Variants in AKAP6 observed in about 807,000 individuals in gnomAD.
AKAP6 encodes the protein A-kinase anchoring protein 6, also known as A-kinase anchor protein 6.
A neutral mutation model predicts 188.5 loss-of-function variants in AKAP6; 58 were observed. The observed-to-expected ratio is 0.31, with a 90% CI of 0.25 to 0.38. The LOEUF (loss-of-function observed/expected upper bound fraction) is 0.38, where lower values mean the gene tolerates loss of function less well. AKAP6 is among the 10% of genes least tolerant of loss of function. The pLI, the probability that AKAP6 is intolerant of heterozygous loss-of-function variation, is 1.00. For synonymous variants in AKAP6, 989 were observed against 998.6 expected, an observed-to-expected ratio of 0.99 and a Z score of 0.18; for missense variants, 2,710 against 2,740.0, an observed-to-expected ratio of 0.99 and a Z score of 0.24.
intron 1 of AKAP6, among the ~76,000 whole-genome samples, chr14:32,393,123 A>G (rs1388450839): frequency 6.6e-6 from 1 of 152,124 alleles, no homozygotes; most frequent in African/African-American, 2.4e-5. Flanking sequence ...TAGTAATTTC[A>G]AAGAGAAATA....
intron 2 of AKAP6, among the ~76,000 whole-genome samples, chr14:32,437,494 G>C (rs1276385309): frequency 6.6e-6 from 1 of 152,090 alleles, no homozygotes; most frequent in Non-Finnish European, 1.5e-5. Context: ...CTCTGTCTCA[G>C]CTCTTTAATT....
At chr14:32,799,280 T>C (rs1275048082) in intron 12 of AKAP6, among the ~76,000 whole-genome samples, 1 of 152,216 alleles carries the variant, frequency 6.6e-6, no homozygotes, top group Non-Finnish European at 1.5e-5. Context: ...GTTGATTTTC[T>C]CTGCTGTTTC....
chr14:32,800,717 T>C (rs8006227), intron 12 of AKAP6, among the ~76,000 whole-genome samples: 37,807 of 152,008 alleles, frequency 0.25, 5,258 homozygotes, highest in African/African-American at 0.38. Context: ...GTCTTTGTAT[T>C]TAAAGTGGGT....
At position 32,535,664 on chromosome 14, in the gene AKAP6, C is replaced by T. The variant is rs563852699; in HGVS notation, c.435C>T (p.His145=). The change falls in exon 3 of 14, where the codon CAC becomes CAT. Residue 145 remains histidine, a synonymous_variant. Transcript: ENST00000280979. Reference sequence around the variant, plus strand: ...CTGTCAACGTGATAGTGGACATCCACGCAGTGCAGCTCCTCTGGCACCAGC... The same window carrying T: ...CTGTCAACGTGATAGTGGACATCCATGCAGTGCAGCTCCTCTGGCACCAGC... The part of the protein sequence containing the change: ...SYSVNVIVDI[H]AVQLLWHQLR... The T allele has an allele frequency of 1.3e-4, 216 of 1,614,216 alleles. No homozygotes were observed. The highest frequency in any genetic ancestry group is 4.7e-4 in the Admixed American group (28 of 60,030).
At chr14:32,795,472 AG>A (rs1250353307) in intron 12 of AKAP6, among the ~76,000 whole-genome samples, 1 of 152,220 alleles carries the variant, frequency 6.6e-6, no homozygotes, top group Non-Finnish European at 1.5e-5. Context: ...CCAGGATGCA[AG>A]GTTGGTTCAA....
rs892345173 is a variant in AKAP6, at chr14:32,683,070, C to G, written c.2879+4611C>G. On this transcript the variant is annotated intron_variant, in intron 8 of 13. Coordinates refer to ENST00000280979, the MANE Select transcript of AKAP6 (RefSeq NM_004274.5). ...GTGCAGTGGCGTGATCTTGGCTCAC[C>G]GCAACCTCCGCCTCTTGGGTTCAAG... is the stretch of plus-strand genomic sequence containing the variant. 6.0e-5 allele frequency among the ~76,000 whole-genome samples: 9 copies of G among 150,444 alleles called. No homozygotes were observed. The East Asian group carries it at 1.8e-3, about 30-fold the overall frequency.
At position 32,823,552 on chromosome 14, in the gene AKAP6, T is replaced by G. The variant is rs760768556; in HGVS notation, c.5739T>G (p.Thr1913=). 1 of 1,613,916 alleles carries G rather than the reference T, an allele frequency of 6.2e-7. No individual in the cohort carries two copies. Among genetic ancestry groups the G allele is most frequent in the South Asian group, 1.1e-5 (1 of 91,082 alleles). ...PERQKGKPNV[T]SKVSENLGSH... ...GGCAAAAGGGAAAACCGAATGTGAC[T>G]TCAAAGGTATCAGAAAATCTTGGTT... The change falls in exon 13 of 14, where the codon ACT becomes ACG. Residue 1913 remains threonine (T), a synonymous_variant. Transcript: ENST00000280979.
intron 3 of AKAP6, among the ~76,000 whole-genome samples, chr14:32,536,661 T>C (rs527730401): frequency 6.6e-6 from 1 of 152,340 alleles, no homozygotes; most frequent in African/African-American, 2.4e-5. Context: ...ATATATTTGA[T>C]TTTTCTTATT....
At chr14:32,691,272 A>G (rs1890167258) in intron 8 of AKAP6, among the ~76,000 whole-genome samples, 1 of 152,210 alleles carries the variant, frequency 6.6e-6, no homozygotes, top group African/African-American at 2.4e-5. Context: ...GAATCAGCAT[A>G]TTCTCCAAGG....
At chr14:32,763,704 A>G (rs1329531558) in intron 11 of AKAP6, among the ~76,000 whole-genome samples, 1 of 152,126 alleles carries the variant, frequency 6.6e-6, no homozygotes, top group African/African-American at 2.4e-5. Flanking sequence ...GTCATTTTTC[A>G]ATTGCTATTT....
chr14:32,437,319 CAA>C (rs1388705355), intron 2 of AKAP6, among the ~76,000 whole-genome samples: 1 of 151,800 alleles, frequency 6.6e-6, no homozygotes, highest in African/African-American at 2.4e-5. Context: ...GGGGCAAGCA[CAA>C]AAAAAGAAGC....
Position 32,834,030 on chromosome 14 carries a change from C to A in AKAP6, c.*4225C>A, listed in dbSNP as rs1312024341. On this transcript the variant is annotated 3_prime_UTR_variant, in exon 14 of 14. Transcript: ENST00000280979. Reference sequence around the variant, plus strand: ...GAGTATGATACTTCATCTGCAAATACTTCAGCATGTGTTAGCTGAGAACAT... The same window carrying A: ...GAGTATGATACTTCATCTGCAAATAATTCAGCATGTGTTAGCTGAGAACAT... The A allele has an allele frequency of 6.6e-6, 1 of 152,182 alleles. No homozygotes were observed. Among genetic ancestry groups the A allele is most frequent in the African/African-American group, 2.4e-5 (1 of 41,422 alleles). The allele number at this position is 152,182 out of a possible 1,614,324, so 9.4% of individuals were successfully genotyped here.
chr14:32,616,391 G>A (rs111587523), intron 7 of AKAP6, among the ~76,000 whole-genome samples: 2,130 of 152,264 alleles, frequency 0.014, 45 homozygotes, highest in African/African-American at 0.047. Flanking sequence ...AGAAAATGTG[G>A]CACATAAACA....
At chr14:32,659,824 G>A (rs954803192) in intron 7 of AKAP6, among the ~76,000 whole-genome samples, 2 of 152,024 alleles carry the variant, frequency 1.3e-5, no homozygotes, top group Admixed American at 1.3e-4. Flanking sequence ...CTGTGCCTTG[G>A]CAGACTTTGA....
intron 12 of AKAP6, among the ~76,000 whole-genome samples, chr14:32,787,801 A>G (rs2033468973): frequency 6.6e-6 from 1 of 152,080 alleles, no homozygotes; most frequent in Non-Finnish European, 1.5e-5. Flanking sequence ...ATCTCCAATA[A>G]ATTTATTTTT....
intron 12 of AKAP6, among the ~76,000 whole-genome samples, chr14:32,792,991 G>A (rs181951669): frequency 2.0e-4 from 30 of 152,216 alleles, no homozygotes; most frequent in African/African-American, 6.3e-4. Context: ...GGAATTCATC[G>A]CCACCAGGCT....
chr14:32,424,938 A>G (rs1889980732), intron 1 of AKAP6, among the ~76,000 whole-genome samples: 1 of 152,144 alleles, frequency 6.6e-6, no homozygotes, highest in Admixed American at 6.5e-5. Flanking sequence ...TGTCTTTGCT[A>G]TTGTGAATAG....
intron 4 of AKAP6, among the ~76,000 whole-genome samples, chr14:32,548,322 G>A (rs1883290120): frequency 6.6e-6 from 1 of 151,830 alleles, no homozygotes; most frequent in African/African-American, 2.4e-5. Flanking sequence ...GGCTAGTCTC[G>A]AACTCCTGAC....
In AKAP6 at chr14:32,365,491, T is replaced by TA. The variant is rs3837672; in HGVS notation, c.-35+36085dup. On this transcript the variant is annotated intron_variant, in intron 1 of 13. Coordinates refer to ENST00000280979, the MANE Select transcript of AKAP6 (RefSeq NM_004274.5). ...ATAATGTGTGCTTTGGGTGGTCATT[T>TA]AATCCTCTTGATTACTGATCCCAAT... Among the ~76,000 whole-genome samples, 118 of 152,306 alleles carry TA rather than the reference T, an allele frequency of 7.7e-4. 4 individuals carry two copies. The East Asian group carries it at 0.021, about 27-fold the overall frequency.
Sources: gnomAD v4.1 joint callset for allele counts (sites outside exome capture counted in the v4.1 genomes callset) on GRCh38, gnomAD v4.1.1 for gene constraint, MANE v1.5 for transcripts, NCBI Gene and HGNC (gene_info 2026-07-23, HGNC 2026-07-21) for gene names.